Variants in CSMD1 observed in about 807,000 individuals in gnomAD.
CSMD1 encodes CUB and Sushi multiple domains 1.
In CSMD1, 213 loss-of-function variants were observed where a neutral mutation model predicts 417.5. The ratio of observed to expected loss-of-function variants is 0.51; its 90% CI spans 0.46 to 0.57. CSMD1 has a LOEUF of 0.57. Ranked by LOEUF, CSMD1 falls within the 20% of genes least tolerant of loss-of-function variation. The pLI, the probability that CSMD1 is intolerant of heterozygous loss-of-function variation, is 0.00. For missense variants in CSMD1, 6,923 were observed against 4,529.7 expected, an observed-to-expected ratio of 1.53 and a Z score of -15.17; for synonymous variants, 2,862 against 1,736.8, an observed-to-expected ratio of 1.65 and a Z score of -16.11.
rs1051381669 is a variant in CSMD1 at position 3,948,857 on chromosome 8, T to C, written c.818+49046A>G. ...TTTGCAAGGGGTATCCAATTTTCAA[T>C]GTTCTCATTATTCAGAAACTAACAA... is the stretch of plus-strand genomic sequence containing the variant. On this transcript the variant is annotated intron_variant, in intron 5 of 69. Transcript: ENST00000635120. Among the ~76,000 whole-genome samples the C allele has an allele frequency of 3.3e-5, 5 of 152,276 alleles. No individual in the cohort carries two copies. The South Asian group carries it at 8.3e-4, about 25-fold the overall frequency.
intron 3 of CSMD1, among the ~76,000 whole-genome samples, chr8:4,070,404 C>G (rs915550105): frequency 6.6e-6 from 1 of 152,150 alleles, no homozygotes; most frequent in East Asian, 1.9e-4. Context: ...GTCGCCCAGG[C>G]TGGAGTGCAG....
rs574506877 is a variant in CSMD1 at position 3,794,853 on chromosome 8, G to T, written c.819-40811C>A. Among the ~76,000 whole-genome samples the T allele has an allele frequency of 1.7e-4, 22 of 131,518 alleles. No individual in the cohort carries two copies. The South Asian group carries it at 6.0e-3, about 36-fold the overall frequency. The allele number at this position is 131,518 out of a possible 152,430, so 86.3% of individuals were successfully genotyped here. ...AAAATTATCAAGGAAGCCCATATCC[G>T]GGATCAATTTACCAATGATCTCTCT... On this transcript the variant is annotated intron_variant, in intron 5 of 69. Transcript: ENST00000635120.
At chr8:3,096,082 T>G (rs989508895) in intron 47 of CSMD1, among the ~76,000 whole-genome samples, 4 of 152,176 alleles carry the variant, frequency 2.6e-5, no homozygotes, top group African/African-American at 9.7e-5. Flanking sequence ...TCCTAAAATA[T>G]CTTGTGAATT....
chr8:4,600,653 T>G (rs1009108738), intron 2 of CSMD1, among the ~76,000 whole-genome samples: 1 of 152,212 alleles, frequency 6.6e-6, no homozygotes, highest in Admixed American at 6.5e-5. Context: ...CACCAATGTT[T>G]AGATAAGAAA....
At chr8:4,480,222 A>G (rs1801022676) in intron 2 of CSMD1, among the ~76,000 whole-genome samples, 1 of 151,860 alleles carries the variant, frequency 6.6e-6, no homozygotes. Context: ...CGAGAAGGAA[A>G]TTACTGCTGT....
At chr8:3,591,615 C>T (rs1411429680) in intron 8 of CSMD1, among the ~76,000 whole-genome samples, 2 of 152,144 alleles carry the variant, frequency 1.3e-5, no homozygotes, top group Non-Finnish European at 2.9e-5. Context: ...GTAAGGATCT[C>T]CTACCTCTCT....
At chr8:4,097,979 G>A (rs1479818273) in intron 3 of CSMD1, among the ~76,000 whole-genome samples, 1 of 152,136 alleles carries the variant, frequency 6.6e-6, no homozygotes, top group African/African-American at 2.4e-5. Flanking sequence ...TTTAGAATCT[G>A]TGGATCAGAT....
chr8:4,019,355 G>C (rs1796674730), intron 4 of CSMD1, among the ~76,000 whole-genome samples: 1 of 152,256 alleles, frequency 6.6e-6, no homozygotes, highest in Non-Finnish European at 1.5e-5. Flanking sequence ...AGAGTTTTGT[G>C]TCTGTTCCCA....
intron 3 of CSMD1, among the ~76,000 whole-genome samples, chr8:4,084,978 A>T (rs1296463716): frequency 2.0e-5 from 3 of 152,144 alleles, no homozygotes; most frequent in Non-Finnish European, 4.4e-5. Context: ...TGGCCATATT[A>T]CCACAGCAGG....
intron 10 of CSMD1, among the ~76,000 whole-genome samples, chr8:3,502,085 C>A (rs1468726994): frequency 1.3e-5 from 2 of 152,128 alleles, no homozygotes; most frequent in Non-Finnish European, 2.9e-5. Context: ...TTAACACCAA[C>A]AGCTAAAAAC....
chr8:3,123,496 T>C (rs1172293313), intron 41 of CSMD1, among the ~76,000 whole-genome samples: 9 of 152,210 alleles, frequency 5.9e-5, no homozygotes, highest in Admixed American at 2.0e-4. Context: ...TATTCTCTTT[T>C]AGAATGAAAT....
intron 3 of CSMD1, among the ~76,000 whole-genome samples, chr8:4,392,639 G>C (rs543426188): frequency 6.6e-6 from 1 of 151,596 alleles, no homozygotes; most frequent in African/African-American, 2.4e-5. Context: ...GGTTTTTTGG[G>C]GGGGAGGGTT....
rs1487396642 is a variant in CSMD1 at position 4,661,915 on chromosome 8, G to A, written c.86-24357C>T. On this transcript the variant is annotated intron_variant, in intron 1 of 69. Coordinates refer to ENST00000635120, the MANE Select transcript of CSMD1 (RefSeq NM_033225.6). ...CAAGAATATACGTAAATCACAATCAGTATCTTTTAATAGGATTATATTGAC... is the reference window on the plus strand; with the variant it reads ...CAAGAATATACGTAAATCACAATCAATATCTTTTAATAGGATTATATTGAC... Among the ~76,000 whole-genome samples the A allele has an allele frequency of 1.1e-4, 17 of 152,230 alleles. 1 individual carries two copies. The East Asian group carries it at 2.7e-3, about 24-fold the overall frequency.
chr8:4,656,722 C>T (rs1804256061), intron 1 of CSMD1, among the ~76,000 whole-genome samples: 2 of 152,054 alleles, frequency 1.3e-5, no homozygotes, highest in Non-Finnish European at 2.9e-5. Context: ...ACACTCACTC[C>T]AGAACAGTGT....
intron 1 of CSMD1, among the ~76,000 whole-genome samples, chr8:4,706,418 G>C (rs764979285): frequency 7.9e-5 from 12 of 152,114 alleles, no homozygotes; most frequent in Non-Finnish European, 1.6e-4. Flanking sequence ...AATTGCTATA[G>C]CATAACAGAT....
At chr8:4,346,082 A>G (rs142730000) in intron 3 of CSMD1, among the ~76,000 whole-genome samples, 23 of 152,284 alleles carry the variant, frequency 1.5e-4, no homozygotes, top group East Asian at 9.6e-4. Flanking sequence ...TGTGAATACG[A>G]AAGTACTACA....
At chr8:3,347,939 T>C in intron 22 of CSMD1, 53 bp downstream of exon 22, 1 of 1,295,368 alleles carries the variant, frequency 7.7e-7, no homozygotes, top group East Asian at 2.5e-5. Flanking sequence ...ATAGACAATG[T>C]ATTTTTTGAG....
chr8:3,157,574 A>G (rs1819611058), intron 39 of CSMD1, among the ~76,000 whole-genome samples: 1 of 152,222 alleles, frequency 6.6e-6, no homozygotes, highest in Non-Finnish European at 1.5e-5. Flanking sequence ...CTTTCAGACC[A>G]GCTGCATTCC....
At chr8:3,824,822 A>C (rs1284161805) in intron 5 of CSMD1, among the ~76,000 whole-genome samples, 1 of 152,144 alleles carries the variant, frequency 6.6e-6, no homozygotes, top group East Asian at 1.9e-4. Flanking sequence ...GAGCAAATTG[A>C]AAAAAGGATT....
Sources: gnomAD v4.1 joint callset for allele counts (sites outside exome capture counted in the v4.1 genomes callset) on GRCh38, gnomAD v4.1.1 for gene constraint, MANE v1.5 for transcripts, NCBI Gene and HGNC (gene_info 2026-07-23, HGNC 2026-07-21) for gene names.